The following ZBTB48 variants were observed in gnomAD, a reference collection of about 807,000 sequenced individuals.
ZBTB48 encodes zinc finger and BTB domain containing 48.
ZBTB48 carries 35 observed loss-of-function variants against 64.5 expected under a neutral mutation model. The observed-to-expected ratio is 0.54, with a 90% CI of 0.41 to 0.72. The LOEUF (loss-of-function observed/expected upper bound fraction) is 0.72, where lower values mean the gene tolerates loss of function less well. ZBTB48 is among the 30% of genes least tolerant of loss of function. The pLI, the probability that ZBTB48 is intolerant of heterozygous loss-of-function variation, is 0.00. For synonymous variants in ZBTB48, 442 were observed against 356.7 expected, an observed-to-expected ratio of 1.24 and a Z score of -2.70; for missense variants, 828 against 895.3, an observed-to-expected ratio of 0.92 and a Z score of 0.96.
Position 6,586,866 on chromosome 1 carries a change from G to A in ZBTB48, c.1137+79G>A, listed in dbSNP as rs753387061. 13 of 1,476,524 alleles carry A rather than the reference G, an allele frequency of 8.8e-6. No homozygotes were observed. In the African/African-American group the frequency reaches 1.8e-4, roughly 21 times the overall value. The allele number at this position is 1,476,524 out of a possible 1,614,324, so 91.5% of individuals were successfully genotyped here. On this transcript the variant is annotated intron_variant, in intron 5 of 10. Coordinates refer to ENST00000377674, the MANE Select transcript of ZBTB48 (RefSeq NM_005341.4). Reference sequence around the variant, plus strand: ...TGCTGAGCCCTTTACGTGGGGTGCTGTCAGGCACCTCCCTCACAGTAGCTG... The same window carrying A: ...TGCTGAGCCCTTTACGTGGGGTGCTATCAGGCACCTCCCTCACAGTAGCTG...
chr1:6,584,983 C>T lies in ZBTB48; in HGVS notation c.933-936C>T, dbSNP rs1305831565. Among the ~76,000 whole-genome samples the T allele has an allele frequency of 6.6e-6, 1 of 152,136 alleles. No individual in the cohort carries two copies. The highest frequency in any genetic ancestry group is 1.5e-5 in the Non-Finnish European group (1 of 68,030). On this transcript the variant is annotated intron_variant, in intron 3 of 10. Transcript: ENST00000377674. The surrounding 1 kb of genome is among the most constrained non-coding windows in gnomAD (Gnocchi z 4.5). ...AAACAAAGGTGCTTGTGCAGCCGAC[C>T]TGCTTGCCAGGCAATGCAGATAACA...
chr1:6,580,555 A>G lies in ZBTB48; in HGVS notation c.-55A>G. The G allele has an allele frequency of 6.4e-7, 1 of 1,552,256 alleles. No homozygotes were observed. The highest frequency in any genetic ancestry group is 8.7e-7 in the Non-Finnish European group (1 of 1,146,412). On this transcript the variant is annotated 5_prime_UTR_variant, in exon 2 of 11. Coordinates refer to ENST00000377674, the MANE Select transcript of ZBTB48 (RefSeq NM_005341.4). The surrounding 1 kb of genome is among the most constrained non-coding windows in gnomAD (Gnocchi z 5.2). ...CTTGACTCCAGGAGCTTTCTCTTGC[A>G]TACCCTCGCTTAGGCTGGCCGGGGT...
chr1:6,583,758 G>A (rs1263211687), intron 3 of ZBTB48, among the ~76,000 whole-genome samples: 3 of 143,194 alleles, frequency 2.1e-5, no homozygotes, highest in East Asian at 2.0e-4. Flanking sequence ...GCACCACTAC[G>A]CCCAGCTAAT....
chr1:6,586,360 A>C, intron 4 of ZBTB48: 1 of 491,260 alleles, frequency 2.0e-6, no homozygotes, highest in Non-Finnish European at 3.6e-6. Context: ...ACCCCCAGCA[A>C]CCCCACTGCT....
chr1:6,589,117 C>T lies in ZBTB48; in HGVS notation c.1972C>T (p.Gln658Ter). 6.2e-7 allele frequency: 1 copy of T among 1,607,496 alleles called. No individual in the cohort carries two copies. The highest frequency in any genetic ancestry group is 8.5e-7 in the Non-Finnish European group (1 of 1,177,608). ...CGGCCTGGCCTCCCAGCTCCCCGGC[C>T]AGAGACTGTGTGCAGAGGAGAGCTT... ...QGGLASQLPG[Q>*]RLCAEESFTG... Residue 658 changes from glutamine to a stop codon, truncating the protein, a stop_gained, in exon 11 of 11, where the codon CAG (glutamine) becomes TAG (stop). Coordinates refer to ENST00000377674, the MANE Select transcript of ZBTB48 (RefSeq NM_005341.4). LOFTEE classifies it high-confidence loss of function.
At position 6,582,269 on chromosome 1, in the gene ZBTB48, TCAGCAAATATTATCTAAAAGTCCA is replaced by T; in HGVS notation, c.905_928del (p.Ser302_His309del). 1 of 1,612,732 alleles carries T rather than the reference TCAGCAAATATTATCTAAAAGTCCA, an allele frequency of 6.2e-7. No homozygotes were observed. Among genetic ancestry groups the T allele is most frequent in the Non-Finnish European group, 8.5e-7 (1 of 1,178,866 alleles). Reference sequence around the variant, plus strand: ...TGCCCCACATGTCATAAAAAGTTCCTCAGCAAATATTATCTAAAAGTCCACAACAGGTAAACGTTCTGTTTTTCT... The same window carrying T: ...TGCCCCACATGTCATAAAAAGTTCCTCAACAGGTAAACGTTCTGTTTTTCT... On this transcript the variant is annotated inframe_deletion, in exon 3 of 11. Coordinates refer to ENST00000377674, the MANE Select transcript of ZBTB48 (RefSeq NM_005341.4).
intron 4 of ZBTB48, 33 bp downstream of exon 4, chr1:6,586,063 A>G: frequency 6.2e-7 from 1 of 1,602,738 alleles, no homozygotes; most frequent in Non-Finnish European, 8.5e-7. Context: ...ACTTGTGGGC[A>G]GGGCACACTG....
chr1:6,582,256 C>T lies in ZBTB48; in HGVS notation c.889C>T (p.His297Tyr). 2 of 1,613,146 alleles carry T rather than the reference C, an allele frequency of 1.2e-6. No individual in the cohort carries two copies. The highest frequency in any genetic ancestry group is 1.7e-4 in the Middle Eastern group (1 of 6,058). Residue 297 changes from histidine (H) to tyrosine (Y), a missense_variant, in exon 3 of 11, where the codon CAT becomes TAT. His to Tyr is a moderately conservative substitution (Grantham distance 83). Transcript: ENST00000377674. Reference sequence around the variant, plus strand: ...GGTGCCGGTCGAATGCCCCACATGTCATAAAAAGTTCCTCAGCAAATATTA... The same window carrying T: ...GGTGCCGGTCGAATGCCCCACATGTTATAAAAAGTTCCTCAGCAAATATTA... ...TAVPVECPTC[H>Y]KKFLSKYYLK...
At position 6,581,210 on chromosome 1, in the gene ZBTB48, C is replaced by T. The variant is rs374087335; in HGVS notation, c.601C>T (p.Pro201Ser). 5 of 1,613,324 alleles carry T rather than the reference C, an allele frequency of 3.1e-6. No homozygotes were observed. Among genetic ancestry groups the T allele is most frequent in the Non-Finnish European group, 3.4e-6 (4 of 1,180,022 alleles). ...ACTGAAGCAGGCCTTGAAGCCTTGT[C>T]CCCTTGAGGACAAGAAACCCGAGGA... ...GKLKQALKPC[P>S]LEDKKPEDCK... Residue 201 changes from proline (P) to serine (S), a missense_variant, in exon 2 of 11, where the codon CCC becomes TCC. Pro to Ser is a moderately conservative substitution (Grantham distance 74, BLOSUM62 -1). Transcript: ENST00000377674.
At chr1:6,585,035 G>A (rs952925013) in intron 3 of ZBTB48, among the ~76,000 whole-genome samples, 2 of 152,182 alleles carry the variant, frequency 1.3e-5, no homozygotes, top group African/African-American at 2.4e-5. Context: ...TGCAGTAGAC[G>A]GTGAGGAAGT....
chr1:6,586,659 G>A lies in ZBTB48; in HGVS notation c.1045-36G>A, dbSNP rs372816915. ...GCTGCTGTCATAGGCAGAGGCCCCCGCTGATGCCGGCCCTGCTTGCCCCTC... is the reference window on the plus strand; with the variant it reads ...GCTGCTGTCATAGGCAGAGGCCCCCACTGATGCCGGCCCTGCTTGCCCCTC... On this transcript the variant is annotated intron_variant, in intron 4 of 10. Transcript: ENST00000377674. 156 of 1,360,742 alleles carry A rather than the reference G, an allele frequency of 1.1e-4. No homozygotes were observed. In the African/African-American group the frequency reaches 1.7e-3, roughly 15 times the overall value. 84.3% of individuals were successfully genotyped at this position (1,360,742 alleles called of 1,614,324 possible).
chr1:6,581,169 C>T lies in ZBTB48; in HGVS notation c.560C>T (p.Ser187Phe). ...TCCCCAGCTCAGAGTGAGGGCCCCT[C>T]CTCCCTCTGTGGGAAACTGAAGCAG... ...LHSPAQSEGP[S>F]SLCGKLKQAL... The change falls in exon 2 of 11, where the codon TCC becomes TTC. Residue 187 changes from serine to phenylalanine, a missense_variant. Ser to Phe is a radical substitution (Grantham distance 155, BLOSUM62 -2). Coordinates refer to ENST00000377674, the MANE Select transcript of ZBTB48 (RefSeq NM_005341.4). 4.3e-6 allele frequency: 7 copies of T among 1,613,512 alleles called. No individual in the cohort carries two copies. The highest frequency in any genetic ancestry group is 5.9e-6 in the Non-Finnish European group (7 of 1,180,020).
At chr1:6,586,989 G>A (rs780487763) in intron 5 of ZBTB48, 1 of 856,886 alleles carries the variant, frequency 1.2e-6, no homozygotes, top group African/African-American at 1.7e-5. Flanking sequence ...TCCTTATTAG[G>A]CCCTTGTTTC....
rs777236369 is a variant in ZBTB48 at position 6,586,004 on chromosome 1, C to T, written c.1018C>T (p.Arg340Trp). Residue 340 changes from arginine to tryptophan, a missense_variant, in exon 4 of 11, where the codon CGG (arginine) becomes TGG (tryptophan). Coordinates refer to ENST00000377674, the MANE Select transcript of ZBTB48 (RefSeq NM_005341.4). ...GGAGAACCTCCTGGAGCATGAAGCC[C>T]GGAATTGCATGAACCGCTCGGAACA... ...RKENLLEHEA[R>W]NCMNRSEQVF... The T allele has an allele frequency of 1.2e-5, 20 of 1,614,008 alleles. No individual in the cohort carries two copies. Among genetic ancestry groups the T allele is most frequent in the African/African-American group, 6.7e-5 (5 of 74,912 alleles).
At position 6,581,107 on chromosome 1, in the gene ZBTB48, C is replaced by T; in HGVS notation, c.498C>T (p.Pro166=). 1 of 1,613,046 alleles carries T rather than the reference C, an allele frequency of 6.2e-7. No homozygotes were observed. Among genetic ancestry groups the T allele is most frequent in the East Asian group, 2.2e-5 (1 of 44,868 alleles). ...GTCTAGTCCCCAGGGATCAGGAGCC[C>T]AGAGGCAGTCATAGTCCTCAGAGGC... ...TLGLVPRDQE[P]RGSHSPQRPQ... The change falls in exon 2 of 11, where the codon CCC becomes CCT. Residue 166 remains proline (P), a synonymous_variant. Transcript: ENST00000377674.
chr1:6,588,668 C>T, intron 9 of ZBTB48, 88 bp from the exon 10 acceptor site: 1 of 1,575,834 alleles, frequency 6.3e-7, no homozygotes, highest in Non-Finnish European at 8.7e-7. Context: ...TGGTCCCCTC[C>T]CTTGCTGCCT....
At chr1:6,587,414 G>A (rs1427932527) in intron 6 of ZBTB48, 64 bp from the exon 7 acceptor site, 2 of 1,608,726 alleles carry the variant, frequency 1.2e-6, no homozygotes, top group African/African-American at 2.7e-5. Flanking sequence ...GGTCTCCCAG[G>A]CAGCCCTTCC....
chr1:6,588,009 G>C, intron 7 of ZBTB48, 51 bp from the exon 8 acceptor site: 1 of 1,608,764 alleles, frequency 6.2e-7, no homozygotes, highest in Non-Finnish European at 8.5e-7. Context: ...GCAGAGCAAG[G>C]GGGTCACTTC....
intron 3 of ZBTB48, among the ~76,000 whole-genome samples, chr1:6,583,901 TC>T (rs1640566102): frequency 6.7e-6 from 1 of 150,082 alleles, no homozygotes; most frequent in Non-Finnish European, 1.5e-5. Context: ...TGCCTCAGCC[TC>T]CTGAGTAGCT....
Sources: allele counts gnomAD v4.1 joint callset (sites outside exome capture counted in the v4.1 genomes callset), GRCh38; gene constraint gnomAD v4.1.1; non-coding constraint Gnocchi (gnomAD v3.1); transcripts MANE v1.5; gene names NCBI Gene and HGNC (gene_info 2026-07-23, HGNC 2026-07-21).